The following TMEM51 variants were observed in gnomAD, a reference collection of about 807,000 sequenced individuals.
TMEM51 encodes the protein transmembrane protein 51, also known as chromosome 1 open reading frame 72.
In TMEM51, 8 loss-of-function variants were observed where a neutral mutation model predicts 13.6. The observed-to-expected ratio is 0.59, with a 90% CI of 0.35 to 1.07. TMEM51 has a LOEUF of 1.07. Ranked by LOEUF, TMEM51 falls within the 50% of genes least tolerant of loss-of-function variation. The probability of loss-of-function intolerance (pLI) is 0.02; values close to 1 mark genes in which losing one functional copy is unlikely to be tolerated. For missense variants in TMEM51, 279 were observed against 330.7 expected, an observed-to-expected ratio of 0.84 and a Z score of 1.21; for synonymous variants, 147 against 144.4, an observed-to-expected ratio of 1.02 and a Z score of -0.13.
intron 1 of TMEM51, among the ~76,000 whole-genome samples, chr1:15,172,867 A>T (rs1182807519): frequency 6.6e-6 from 1 of 152,228 alleles, no homozygotes; most frequent in Non-Finnish European, 1.5e-5. Flanking sequence ...TGCTGTCGAC[A>T]CTACCTGCTC....
chr1:15,191,911 T>C, intron 1 of TMEM51: 1 of 529,102 alleles, frequency 1.9e-6, no homozygotes, highest in Non-Finnish European at 3.9e-6. Context: ...TTGTTTGTTC[T>C]CCTTTTCCAG....
At position 15,210,541 on chromosome 1, in the gene TMEM51, G is replaced by A. The variant is rs1189433402; in HGVS notation, c.-215G>A. ...GAAGAGTTGCCTTCTGGCCTGCCCT[G>A]AGTCTCCTCAAATAACAACAGGTAG... On this transcript the variant is annotated 5_prime_UTR_variant, in exon 2 of 4. Coordinates refer to ENST00000376008, the MANE Select transcript of TMEM51 (RefSeq NM_001136218.2). 6.6e-6 allele frequency: 1 copy of A among 152,146 alleles called. No homozygotes were observed. Among genetic ancestry groups the A allele is most frequent in the East Asian group, 1.9e-4 (1 of 5,198 alleles). 9.4% of individuals were successfully genotyped at this position (152,146 alleles called of 1,614,324 possible). A position where few individuals can be genotyped will look rare whatever the true frequency, so the allele number is the denominator to read the frequency against.
chr1:15,194,378 C>T (rs976107943), intron 1 of TMEM51, among the ~76,000 whole-genome samples: 2 of 152,216 alleles, frequency 1.3e-5, no homozygotes, highest in African/African-American at 2.4e-5. Context: ...GGCCACCTGA[C>T]AGCAAGCTGG....
intron 1 of TMEM51, among the ~76,000 whole-genome samples, chr1:15,197,387 T>A (rs1400858507): frequency 6.6e-6 from 1 of 152,058 alleles, no homozygotes; most frequent in Non-Finnish European, 1.5e-5. Context: ...TCCTCTCAAC[T>A]TCTCTGGGGC....
chr1:15,190,670 C>G (rs1331022779), intron 1 of TMEM51, among the ~76,000 whole-genome samples: 1 of 152,158 alleles, frequency 6.6e-6, no homozygotes, highest in Admixed American at 6.5e-5. Context: ...AGGGCCTTTG[C>G]AGGTGTGATT....
At chr1:15,196,143 A>G (rs1644042994) in intron 1 of TMEM51, among the ~76,000 whole-genome samples, 1 of 152,106 alleles carries the variant, frequency 6.6e-6, no homozygotes, top group Non-Finnish European at 1.5e-5. Context: ...CCCCACCCAG[A>G]GACACCCAGA....
At chr1:15,190,516 A>C (rs1446310093) in intron 1 of TMEM51, among the ~76,000 whole-genome samples, 4 of 152,182 alleles carry the variant, frequency 2.6e-5, no homozygotes, top group Non-Finnish European at 5.9e-5. Flanking sequence ...GGGACACTCC[A>C]GGAAAAGCCA....
At chr1:15,175,410 ATAAAT>A (rs1467227262) in intron 1 of TMEM51, among the ~76,000 whole-genome samples, 1 of 152,264 alleles carries the variant, frequency 6.6e-6, no homozygotes, top group African/African-American at 2.4e-5. Flanking sequence ...CAACAAATAA[ATAAAT>A]TAAATAAAAT....
At chr1:15,188,833 C>G (rs1239513093) in intron 1 of TMEM51, among the ~76,000 whole-genome samples, 1 of 152,184 alleles carries the variant, frequency 6.6e-6, no homozygotes, top group East Asian at 1.9e-4. Context: ...CTTCCTCTTA[C>G]AGCAGGGATG....
rs2100374366 is a variant in TMEM51, at chr1:15,219,899, G to A, written c.*156G>A. On this transcript the variant is annotated 3_prime_UTR_variant, in exon 4 of 4. Transcript: ENST00000376008. ...GGCGGGGGGGGATTCTCTGTATCAGGAGTGACTTTGTTGCCCCACACAGCC... is the reference window on the plus strand; with the variant it reads ...GGCGGGGGGGGATTCTCTGTATCAGAAGTGACTTTGTTGCCCCACACAGCC... 1.2e-6 allele frequency: 1 copy of A among 809,936 alleles called. No individual in the cohort carries two copies. 50.2% of individuals were successfully genotyped at this position (809,936 alleles called of 1,614,324 possible).
Position 15,178,747 on chromosome 1 carries a change from C to G in TMEM51, c.-267+24793C>G, listed in dbSNP as rs554493500. 5.9e-5 allele frequency among the ~76,000 whole-genome samples: 9 copies of G among 152,342 alleles called. 1 individual carries two copies. The South Asian group carries it at 1.9e-3, about 32-fold the overall frequency. ...ACCTGGATTTTTATCTCCACTGACT[C>G]TAACCACCTTGCTTTACTGCCTCTG... On this transcript the variant is annotated intron_variant, in intron 1 of 3. Transcript: ENST00000376008.
intron 1 of TMEM51, among the ~76,000 whole-genome samples, chr1:15,166,197 T>C (rs1642991676): frequency 6.6e-6 from 1 of 152,190 alleles, no homozygotes; most frequent in Non-Finnish European, 1.5e-5. Context: ...ATTTGGAACT[T>C]TAATGACCTG....
At chr1:15,175,416 T>A (rs556547233) in intron 1 of TMEM51, among the ~76,000 whole-genome samples, 25 of 152,006 alleles carry the variant, frequency 1.6e-4, no homozygotes, top group African/African-American at 5.5e-4. Flanking sequence ...ATAAATAAAT[T>A]AAATAAAATA....
At chr1:15,170,671 G>A (rs1304134782) in intron 1 of TMEM51, among the ~76,000 whole-genome samples, 1 of 152,102 alleles carries the variant, frequency 6.6e-6, no homozygotes, top group Non-Finnish European at 1.5e-5. Context: ...ACAGTGCTGT[G>A]TGACCATCGC....
At chr1:15,203,048 A>G (rs1024354939) in intron 1 of TMEM51, among the ~76,000 whole-genome samples, 6 of 152,184 alleles carry the variant, frequency 3.9e-5, no homozygotes, top group Non-Finnish European at 7.3e-5. Context: ...CATTGGGTCA[A>G]GGCCCTCAAT....
At position 15,153,874 on chromosome 1, in the gene TMEM51, G is replaced by T. The variant is rs1642486057; in HGVS notation, c.-347G>T. ...GATCGCGGCGCCCACCGAGGAGGCCGCCCGGGTGGGGCGCGGGGGTCGCGA... is the reference window on the plus strand; with the variant it reads ...GATCGCGGCGCCCACCGAGGAGGCCTCCCGGGTGGGGCGCGGGGGTCGCGA... On this transcript the variant is annotated 5_prime_UTR_variant, in exon 1 of 4. Transcript: ENST00000376008. 1 of 152,018 alleles carries T rather than the reference G, an allele frequency of 6.6e-6. No individual in the cohort carries two copies. The highest frequency in any genetic ancestry group is 2.4e-5 in the African/African-American group (1 of 41,390). 9.4% of individuals were successfully genotyped at this position (152,018 alleles called of 1,614,324 possible). A position where few individuals can be genotyped will look rare whatever the true frequency, so the allele number is the denominator to read the frequency against.
intron 1 of TMEM51, among the ~76,000 whole-genome samples, chr1:15,194,160 T>C (rs1643998505): frequency 6.6e-6 from 1 of 152,092 alleles, no homozygotes; most frequent in Non-Finnish European, 1.5e-5. Flanking sequence ...CCAACAGAAA[T>C]AGAATTCAAG....
intron 1 of TMEM51, among the ~76,000 whole-genome samples, chr1:15,204,119 G>A (rs1280571810): frequency 1.3e-5 from 2 of 152,234 alleles, no homozygotes; most frequent in African/African-American, 4.8e-5. Context: ...CAAATGCTGA[G>A]TCCAGATGGC....
Position 15,189,195 on chromosome 1 carries a change from A to G in TMEM51, c.-266-21295A>G, listed in dbSNP as rs1270553708. Among the ~76,000 whole-genome samples the G allele has an allele frequency of 3.2e-5, 4 of 123,530 alleles. No homozygotes were observed. In the Admixed American group the frequency reaches 3.3e-4, roughly 10 times the overall value. The allele number at this position is 123,530 out of a possible 152,430, so 81.0% of individuals were successfully genotyped here. A position where few individuals can be genotyped will look rare whatever the true frequency, so the allele number is the denominator to read the frequency against. On this transcript the variant is annotated intron_variant, in intron 1 of 3. Transcript: ENST00000376008. ...ACTGGGATTACACGCACCCTTCACC[A>G]CACCCAGCTAATTTTTCCTTTTTTT...
Sources: allele counts gnomAD v4.1 joint callset (sites outside exome capture counted in the v4.1 genomes callset), GRCh38; gene constraint gnomAD v4.1.1; transcripts MANE v1.5; gene names NCBI Gene and HGNC (gene_info 2026-07-23, HGNC 2026-07-21).